Variants in SCN3A observed in about 807,000 individuals in gnomAD.
SCN3A encodes sodium channel protein type 3 subunit alpha.
SCN3A carries 60 observed loss-of-function variants against 187.6 expected under a neutral mutation model. The observed-to-expected ratio is 0.32, with a 90% CI of 0.26 to 0.40. SCN3A has a LOEUF of 0.40. Among genes scored for constraint, SCN3A ranks in the 10% least tolerant of loss-of-function variants. The pLI, the probability that SCN3A is intolerant of heterozygous loss-of-function variation, is 1.00. For synonymous variants in SCN3A, 788 were observed against 829.2 expected, an observed-to-expected ratio of 0.95 and a Z score of 0.85; for missense variants, 1,601 against 2,428.2, an observed-to-expected ratio of 0.66 and a Z score of 7.16.
intron 22 of SCN3A, among the ~76,000 whole-genome samples, chr2:165,099,056 C>A (rs1343413831): frequency 2.6e-5 from 4 of 152,154 alleles, no homozygotes; most frequent in Non-Finnish European, 4.4e-5. Flanking sequence ...CCAAATATTT[C>A]TTTGATTACA....
rs752111359 is a variant in SCN3A at position 165,100,318 on chromosome 2, C to T, written c.3950G>A (p.Arg1317Gln). ...RALRPLRALS[R>Q]FEGMRVVVNA... ...TCTTCTTACCCTCATGCCTTCAAAC[C>T]GGGATAAGGCTCTTAGAGGTCTTAA... is the stretch of plus-strand genomic sequence containing the variant. Residue 1317 changes from arginine to glutamine, a missense_variant, in exon 22 of 28, where the codon CGG becomes CAG. Coordinates refer to ENST00000283254, the MANE Select transcript of SCN3A (RefSeq NM_006922.4). 4.3e-6 allele frequency: 7 copies of T among 1,613,568 alleles called. No homozygotes were observed. The highest frequency in any genetic ancestry group is 4.0e-5 in the African/African-American group (3 of 74,854).
rs1018125027 is a variant in SCN3A, at chr2:165,091,170, C to G, written c.4983G>C (p.Leu1661=). 1 of 1,614,100 alleles carries G rather than the reference C, an allele frequency of 6.2e-7. No individual in the cohort carries two copies. Among genetic ancestry groups the G allele is most frequent in the Non-Finnish European group, 8.5e-7 (1 of 1,180,000 alleles). Reference sequence around the variant, plus strand: ...CATAGATAAACATGACCAGGAAGAGCAGGAGGCCGATGTTAAACAACGCAG... The same window carrying G: ...CATAGATAAACATGACCAGGAAGAGGAGGAGGCCGATGTTAAACAACGCAG... ...SLPALFNIGL[L]LFLVMFIYAI... The change falls in exon 28 of 28, where the codon CTG becomes CTC. Residue 1661 remains leucine (L), a synonymous_variant. Coordinates refer to ENST00000283254, the MANE Select transcript of SCN3A (RefSeq NM_006922.4).
At chr2:165,186,252 A>G (rs1004173590) in intron 2 of SCN3A, among the ~76,000 whole-genome samples, 2 of 151,964 alleles carry the variant, frequency 1.3e-5, no homozygotes, top group Non-Finnish European at 1.5e-5. Context: ...CCTGGGCGAC[A>G]GAGAGAGACT....
chr2:165,092,352 G>A lies in SCN3A; in HGVS notation c.4709C>T (p.Thr1570Ile). The change falls in exon 27 of 28, where the codon ACT becomes ATT. Residue 1570 changes from threonine to isoleucine, a missense_variant. This residue lies in a region of SCN3A where 320 missense variants were observed against 623.2 expected (regional missense o/e 0.51). Coordinates refer to ENST00000283254, the MANE Select transcript of SCN3A (RefSeq NM_006922.4). The surrounding 1 kb of genome is among the most constrained non-coding windows in gnomAD (Gnocchi z 4.2). ...GACGAGCTTCAGCACAAATTCTCCAGTGAACAGAACAATGAACACTAGGTT... is the reference window on the plus strand; with the variant it reads ...GACGAGCTTCAGCACAAATTCTCCAATGAACAGAACAATGAACACTAGGTT... Reference protein sequence around the residue: ...RINLVFIVLFTGEFVLKLVSL... With the variant: ...RINLVFIVLFIGEFVLKLVSL... 1 of 1,613,988 alleles carries A rather than the reference G, an allele frequency of 6.2e-7. No individual in the cohort carries two copies. The highest frequency in any genetic ancestry group is 8.5e-7 in the Non-Finnish European group (1 of 1,179,954).
intron 18 of SCN3A, among the ~76,000 whole-genome samples, chr2:165,119,570 T>TATAATCTAA (rs1054546978): frequency 3.9e-5 from 6 of 152,182 alleles, no homozygotes; most frequent in Non-Finnish European, 8.8e-5. Flanking sequence ...TATACACTGA[T>TATAATCTAA]ATAATCTAAA....
chr2:165,152,515 T>C (rs1291304923), intron 11 of SCN3A, among the ~76,000 whole-genome samples: 2 of 152,208 alleles, frequency 1.3e-5, no homozygotes, highest in Non-Finnish European at 2.9e-5. Context: ...CTATTGTGAA[T>C]AGTGCCGCAA....
At chr2:165,171,061 C>T (rs1040217937) in intron 3 of SCN3A, among the ~76,000 whole-genome samples, 5 of 151,992 alleles carry the variant, frequency 3.3e-5, no homozygotes, top group Admixed American at 2.6e-4. Context: ...TTCAACTTCT[C>T]AGCTAATACT....
intron 21 of SCN3A, among the ~76,000 whole-genome samples, chr2:165,110,765 G>T (rs893998562): frequency 7.9e-5 from 12 of 152,272 alleles, no homozygotes; most frequent in African/African-American, 2.9e-4. Flanking sequence ...GAGGCTTTCA[G>T]TACCCAGTTC....
At position 165,164,464 on chromosome 2, in the gene SCN3A, C is replaced by T; in HGVS notation, c.530G>A (p.Gly177Glu). Residue 177 changes from glycine (G) to glutamate (E), a missense_variant, in exon 6 of 28, where the codon GGG becomes GAG. This residue lies in a region of SCN3A where 122 missense variants were observed against 225.1 expected (regional missense o/e 0.54). Transcript: ENST00000283254. ...FESLIKILARGFCLEDFTFLR... is the reference protein window; with the variant it reads ...FESLIKILAREFCLEDFTFLR... ...AAACGTAAAATCTTCTAAGCAAAAC[C>T]CTCTTGCCAAGATTTTTATAAGTGA... 2 of 1,613,706 alleles carry T rather than the reference C, an allele frequency of 1.2e-6. No homozygotes were observed. Among genetic ancestry groups the T allele is most frequent in the Non-Finnish European group, 1.7e-6 (2 of 1,179,806 alleles).
chr2:165,170,329 A>T, intron 4 of SCN3A, 101 bp downstream of exon 4: 1 of 753,450 alleles, frequency 1.3e-6, no homozygotes, highest in Non-Finnish European at 2.4e-6. Flanking sequence ...TGTTACCATT[A>T]ATCTCAAAGA....
chr2:165,093,867 A>G (rs1215636576), intron 26 of SCN3A: 1 of 157,614 alleles, frequency 6.3e-6, no homozygotes, highest in Admixed American at 6.1e-5. Flanking sequence ...ATAATCTGTC[A>G]TTATTACATC....
At chr2:165,105,698 A>G (rs1026986576) in intron 21 of SCN3A, among the ~76,000 whole-genome samples, 1 of 152,042 alleles carries the variant, frequency 6.6e-6, no homozygotes, top group Non-Finnish European at 1.5e-5. Context: ...ATGCAATCTC[A>G]GTCAGAAATG....
chr2:165,182,747 T>C (rs1272630313), intron 2 of SCN3A, among the ~76,000 whole-genome samples: 1 of 152,030 alleles, frequency 6.6e-6, no homozygotes, highest in East Asian at 1.9e-4. Context: ...CTGTGAGACA[T>C]CTGGATATAG....
chr2:165,090,562 C>T lies in SCN3A; in HGVS notation c.5591G>A (p.Ser1864Asn), dbSNP rs1085307836. The T allele has an allele frequency of 6.2e-7, 1 of 1,614,026 alleles. No homozygotes were observed. Among genetic ancestry groups the T allele is most frequent in the African/African-American group, 1.3e-5 (1 of 75,016 alleles). ...TATTCGAAGGGCATCCATCTCTCCACTCTCACCCAAAACACGCTTTGTAAA... is the reference window on the plus strand; with the variant it reads ...TATTCGAAGGGCATCCATCTCTCCATTCTCACCCAAAACACGCTTTGTAAA... The part of the protein sequence containing the change: ...FAFTKRVLGE[S>N]GEMDALRIQM... Residue 1864 changes from serine to asparagine, a missense_variant, in exon 28 of 28, where the codon AGT becomes AAT. Ser to Asn is a conservative substitution (Grantham distance 46). Coordinates refer to ENST00000283254, the MANE Select transcript of SCN3A (RefSeq NM_006922.4). This position sits in a 1 kb window ranked among gnomAD's most constrained non-coding sequence, Gnocchi z 4.0.
In SCN3A at chr2:165,091,053, G is replaced by T. The variant is rs139849533; in HGVS notation, c.5100C>A (p.Ile1700=). The change falls in exon 28 of 28, where the codon ATC becomes ATA. Residue 1700 remains isoleucine, a synonymous_variant. Coordinates refer to ENST00000283254, the MANE Select transcript of SCN3A (RefSeq NM_006922.4). ...CAGAGGTTGTAATTTGGAACAAGCA[G>T]ATCATGCTGTTGCCAAAGGTCTCAA... is the stretch of plus-strand genomic sequence containing the variant. The part of the protein sequence containing the change: ...FNFETFGNSM[I]CLFQITTSAG... 1.2e-6 allele frequency: 2 copies of T among 1,614,114 alleles called. No homozygotes were observed. The highest frequency in any genetic ancestry group is 2.7e-5 in the African/African-American group (2 of 75,022).
rs1473280947 is a variant in SCN3A at position 165,140,010 on chromosome 2, G to T, written c.2020-402C>A. Among the ~76,000 whole-genome samples, 2 of 151,868 alleles carry T rather than the reference G, an allele frequency of 1.3e-5. No individual in the cohort carries two copies. Among genetic ancestry groups the T allele is most frequent in the African/African-American group, 4.8e-5 (2 of 41,344 alleles). ...CCCCAATAAATATTATGATTATATAGTCTCAAGGCTGAATTATTTTCTTTG... is the reference window on the plus strand; with the variant it reads ...CCCCAATAAATATTATGATTATATATTCTCAAGGCTGAATTATTTTCTTTG... On this transcript the variant is annotated intron_variant, in intron 13 of 27. Coordinates refer to ENST00000283254, the MANE Select transcript of SCN3A (RefSeq NM_006922.4). This position sits in a 1 kb window ranked among gnomAD's most constrained non-coding sequence, Gnocchi z 4.2.
At chr2:165,165,589 G>C (rs1403760014) in intron 5 of SCN3A, among the ~76,000 whole-genome samples, 1 of 152,052 alleles carries the variant, frequency 6.6e-6, no homozygotes, top group Non-Finnish European at 1.5e-5. Context: ...TCCCAAAATA[G>C]TTGAGAGTAC....
At chr2:165,158,310 C>T (rs191054719) in intron 9 of SCN3A, among the ~76,000 whole-genome samples, 1 of 137,570 alleles carries the variant, frequency 7.3e-6, no homozygotes, top group African/African-American at 3.0e-5. Context: ...CATGTTATTA[C>T]CCCACCACCT....
chr2:165,130,201 C>A lies in SCN3A; in HGVS notation c.2661G>T (p.Leu887Phe), dbSNP rs1175271544. ...AAATGAAGACGATGATGGCCAACAC[C>A]AAGGTGAGGTTTCCTAGAGCCCCCA... Reference protein sequence around the residue: ...NSVGALGNLTLVLAIIVFIFA... With the variant: ...NSVGALGNLTFVLAIIVFIFA... Residue 887 changes from leucine (L) to phenylalanine (F), a missense_variant, in exon 17 of 28, where the codon TTG (leucine) becomes TTT (phenylalanine). Coordinates refer to ENST00000283254, the MANE Select transcript of SCN3A (RefSeq NM_006922.4). 1 of 1,614,156 alleles carries A rather than the reference C, an allele frequency of 6.2e-7. No individual in the cohort carries two copies. The highest frequency in any genetic ancestry group is 1.1e-5 in the South Asian group (1 of 91,064).
Sources: gnomAD v4.1 joint callset for allele counts (sites outside exome capture counted in the v4.1 genomes callset) on GRCh38, gnomAD v4.1.1 for gene constraint, gnomAD v4.1.1 regional missense constraint, Gnocchi (gnomAD v3.1) non-coding constraint, MANE v1.5 for transcripts, NCBI Gene and HGNC (gene_info 2026-07-23, HGNC 2026-07-21) for gene names.